The following HSF1 variants were observed in gnomAD, a reference collection of about 807,000 sequenced individuals.
The protein encoded by HSF1 is heat shock transcription factor 1.
In HSF1, 32 loss-of-function variants were observed where a neutral mutation model predicts 51.7. That is an observed-to-expected ratio of 0.62 (90% CI 0.47 to 0.83). HSF1 has a LOEUF of 0.83. HSF1 is among the 40% of genes least tolerant of loss of function. The pLI, the probability that HSF1 is intolerant of heterozygous loss-of-function variation, is 0.00. For missense variants in HSF1, 727 were observed against 717.0 expected, an observed-to-expected ratio of 1.01 and a Z score of -0.16; for synonymous variants, 396 against 309.7, an observed-to-expected ratio of 1.28 and a Z score of -2.92.
rs1296142217 is a variant in HSF1, at chr8:144,314,297, G to C, written c.1557G>C (p.Glu519Asp). The change falls in exon 13 of 13, where the codon GAG becomes GAC. Residue 519 changes from glutamate to aspartate, a missense_variant. Physicochemically the swap from Glu to Asp is conservative, Grantham distance 45. Transcript: ENST00000528838. The stretch of plus-strand genomic sequence containing the variant: ...CCATCTCCCTGCTGACAGGCTCGGA[G>C]CCTCCCAAAGCCAAGGACCCCACTG... Reference protein sequence around the residue: ...DPTISLLTGSEPPKAKDPTVS With the variant: ...DPTISLLTGSDPPKAKDPTVS 1 of 1,550,500 alleles carries C rather than the reference G, an allele frequency of 6.4e-7. No individual in the cohort carries two copies. Among genetic ancestry groups the C allele is most frequent in the African/African-American group, 1.4e-5 (1 of 73,058 alleles).
At chr8:144,304,766 C>T (rs1395281571) in intron 1 of HSF1, among the ~76,000 whole-genome samples, 1 of 152,146 alleles carries the variant, frequency 6.6e-6, no homozygotes, top group African/African-American at 2.4e-5. Flanking sequence ...TCTGCCTCAG[C>T]CTCCCAAGTA....
intron 9 of HSF1, chr8:144,313,045 G>A: frequency 2.2e-6 from 1 of 456,190 alleles, no homozygotes; most frequent in South Asian, 2.4e-5. Flanking sequence ...CCGTCCCATA[G>A]CCCAGGTGTG....
intron 8 of HSF1, 43 bp from the exon 9 acceptor site, chr8:144,311,920 G>C: frequency 6.3e-7 from 1 of 1,579,544 alleles, no homozygotes; most frequent in Non-Finnish European, 8.6e-7. Context: ...GATGAGGTGG[G>C]GCTGGCCGAG....
At chr8:144,304,797 C>T (rs185575202) in intron 1 of HSF1, among the ~76,000 whole-genome samples, 2 of 152,072 alleles carry the variant, frequency 1.3e-5, no homozygotes, top group Non-Finnish European at 2.9e-5. Context: ...CAGGCATGAG[C>T]CACGACACTA....
intron 1 of HSF1, chr8:144,292,487 C>T (rs559507933): frequency 1.3e-5 from 2 of 152,398 alleles, no homozygotes; most frequent in East Asian, 3.9e-4. Context: ...CTTCAGTTGC[C>T]TGGCAGCAGG....
rs1310939487 is a variant in HSF1, at chr8:144,314,718, T to G, written c.*388T>G. On this transcript the variant is annotated 3_prime_UTR_variant, in exon 13 of 13. Transcript: ENST00000528838. ...GAGATCTATAAACAGACAGGCTCTA[T>G]GCTATGGCCTCCATGTGTTTCCTCT... The G allele has an allele frequency of 4.3e-6, 1 of 233,334 alleles. No homozygotes were observed. The highest frequency in any genetic ancestry group is 8.4e-6 in the Non-Finnish European group (1 of 119,128). The allele number at this position is 233,334 out of a possible 1,614,324, so 14.5% of individuals were successfully genotyped here. A position where few individuals can be genotyped will look rare whatever the true frequency, so the allele number is the denominator to read the frequency against.
chr8:144,305,723 ATTTTTTTTTTTTTTT>A (rs146075122), intron 1 of HSF1, among the ~76,000 whole-genome samples: 1 of 78,492 alleles, frequency 1.3e-5, no homozygotes, highest in Non-Finnish European at 2.2e-5. Flanking sequence ...CCTCTGGTTA[ATTTTTTTTTTTTTTT>A]TTTTTTTTTT....
chr8:144,313,900 A>C lies in HSF1; in HGVS notation c.1303A>C (p.Ser435Arg), dbSNP rs1817010288. Reference sequence around the variant, plus strand: ...CATGAGCCTGCCTGACCTTGACAGCAGCCTGGCCAGTGTGCGTAGGCGGGC... The same window carrying C: ...CATGAGCCTGCCTGACCTTGACAGCCGCCTGGCCAGTGTGCGTAGGCGGGC... ...PDMSLPDLDS[S>R]LASIQELLSP... Residue 435 changes from serine to arginine, a missense_variant, in exon 11 of 13, where the codon AGC (serine) becomes CGC (arginine). Ser to Arg is a moderately radical substitution (Grantham distance 110). This residue lies in a region of HSF1 where 470 missense variants were observed against 398.8 expected (regional missense o/e 1.18). Transcript: ENST00000528838. 6.2e-7 allele frequency: 1 copy of C among 1,607,258 alleles called. No individual in the cohort carries two copies. The highest frequency in any genetic ancestry group is 1.4e-5 in the African/African-American group (1 of 72,982).
At chr8:144,296,832 A>G (rs1815498930) in intron 1 of HSF1, among the ~76,000 whole-genome samples, 1 of 150,522 alleles carries the variant, frequency 6.6e-6, no homozygotes, top group African/African-American at 2.4e-5. Flanking sequence ...GAAGGCACAC[A>G]TCTGTCCTCA....
intron 9 of HSF1, 96 bp from the exon 10 acceptor site, chr8:144,313,415 T>C (rs1044707044): frequency 2.2e-5 from 18 of 805,428 alleles, no homozygotes; most frequent in Non-Finnish European, 3.3e-5. Flanking sequence ...GGGTGCAGCC[T>C]GGGGGGTACA....
At chr8:144,301,852 G>A (rs538910747) in intron 1 of HSF1, among the ~76,000 whole-genome samples, 7 of 151,680 alleles carry the variant, frequency 4.6e-5, no homozygotes, top group African/African-American at 7.3e-5. Context: ...GCGACAAAGC[G>A]AGACTCCGTC....
intron 1 of HSF1, among the ~76,000 whole-genome samples, chr8:144,300,211 T>C (rs797043115): frequency 5.1e-5 from 6 of 117,842 alleles, no homozygotes; most frequent in African/African-American, 1.6e-4. Flanking sequence ...TGTTGTGTAC[T>C]CTTTTTTTTT....
chr8:144,307,513 G>A (rs572487564), intron 1 of HSF1, among the ~76,000 whole-genome samples: 1 of 152,392 alleles, frequency 6.6e-6, no homozygotes, highest in South Asian at 2.1e-4. Context: ...GCCAAGGTGG[G>A]CGGATTGATT....
At chr8:144,300,039 G>A (rs946053833) in intron 1 of HSF1, among the ~76,000 whole-genome samples, 15 of 152,186 alleles carry the variant, frequency 9.9e-5, no homozygotes, top group Admixed American at 2.0e-4. Context: ...CCTTCGAGGA[G>A]GTGATGCTTA....
chr8:144,308,656 A>G (rs1393938473), intron 1 of HSF1, among the ~76,000 whole-genome samples: 4 of 152,226 alleles, frequency 2.6e-5, no homozygotes, highest in Non-Finnish European at 5.9e-5. Context: ...AAGGCCTCGC[A>G]TCTGCCCACC....
Position 144,313,738 on chromosome 8 carries a change from GCCTCC to G in HSF1, c.1249-105_1249-101del, listed in dbSNP as rs1432446579. ...CCGCCTCCCCGCCCCGCCTCCCCGCGCCTCCCCGCCTCCCCGCCCCGCCTCCCCGC... is the reference window on the plus strand; with the variant it reads ...CCGCCTCCCCGCCCCGCCTCCCCGCGCCGCCTCCCCGCCCCGCCTCCCCGC... On this transcript the variant is annotated intron_variant, in intron 10 of 12. Coordinates refer to ENST00000528838, the MANE Select transcript of HSF1 (RefSeq NM_005526.4). The G allele has an allele frequency of 5.1e-3, 248 of 48,242 alleles. 27 individuals are homozygous for G. Among genetic ancestry groups the G allele is most frequent in the African/African-American group, 0.05 (210 of 4,170 alleles). 3.0% of individuals were successfully genotyped at this position (48,242 alleles called of 1,614,324 possible).
intron 9 of HSF1, chr8:144,313,026 C>A: frequency 2.1e-6 from 1 of 481,554 alleles, no homozygotes; most frequent in Non-Finnish European, 3.8e-6. Flanking sequence ...TGGGACCCAG[C>A]CTGGCTGTCC....
rs373669643 is a variant in HSF1 at position 144,314,430 on chromosome 8, C to G, written c.*100C>G. 9.8e-7 allele frequency: 1 copy of G among 1,020,546 alleles called. No individual in the cohort carries two copies. The highest frequency in any genetic ancestry group is 1.6e-5 in the African/African-American group (1 of 62,290). The allele number at this position is 1,020,546 out of a possible 1,614,324, so 63.2% of individuals were successfully genotyped here. ...CTCGCGGTCTTGGGCACTGGTGGGTCGGCCGCCATAGCCCCAGTAGGACAA... is the reference window on the plus strand; with the variant it reads ...CTCGCGGTCTTGGGCACTGGTGGGTGGGCCGCCATAGCCCCAGTAGGACAA... On this transcript the variant is annotated 3_prime_UTR_variant, in exon 13 of 13. Transcript: ENST00000528838.
In HSF1 at chr8:144,301,916, G is replaced by A. The variant is rs1554842405; in HGVS notation, c.118-6990G>A. Among the ~76,000 whole-genome samples, 88 of 150,318 alleles carry A rather than the reference G, an allele frequency of 5.9e-4. 6 individuals carry two copies. In the South Asian group the frequency reaches 0.012, roughly 20 times the overall value. On this transcript the variant is annotated intron_variant, in intron 1 of 12. Coordinates refer to ENST00000528838, the MANE Select transcript of HSF1 (RefSeq NM_005526.4). ...GCCGTGCACGGTGGTGGTGCCTGTG[G>A]TGCCAGCTACTCAGAGGCTCGGGTG...
Sources: allele counts gnomAD v4.1 joint callset (sites outside exome capture counted in the v4.1 genomes callset), GRCh38; gene constraint gnomAD v4.1.1; regional missense constraint gnomAD v4.1.1; transcripts MANE v1.5; gene names NCBI Gene and HGNC (gene_info 2026-07-23, HGNC 2026-07-21).